The following TSNARE1 variants were observed in gnomAD, a reference collection of about 807,000 sequenced individuals.
TSNARE1 encodes t-SNARE domain containing 1, also known as t-SNARE domain-containing protein 1.
Under a neutral mutation model 62.0 loss-of-function variants are expected in TSNARE1, and 49 were observed. The ratio of observed to expected loss-of-function variants is 0.79; its 90% CI spans 0.63 to 1.00. The LOEUF (loss-of-function observed/expected upper bound fraction) is 1.00, where lower values mean the gene tolerates loss of function less well. TSNARE1 is among the 50% of genes least tolerant of loss of function. The probability of loss-of-function intolerance (pLI) is 0.00; values close to 1 mark genes in which losing one functional copy is unlikely to be tolerated. For missense variants in TSNARE1, 755 were observed against 700.1 expected, an observed-to-expected ratio of 1.08 and a Z score of -0.88; for synonymous variants, 328 against 294.4, an observed-to-expected ratio of 1.11 and a Z score of -1.17.
chr8:142,303,008 G>C (rs1010382872), intron 9 of TSNARE1, among the ~76,000 whole-genome samples: 2 of 152,138 alleles, frequency 1.3e-5, no homozygotes, highest in Non-Finnish European at 2.9e-5. Flanking sequence ...CTCACGTCCA[G>C]AGCTCTTGCC....
At chr8:142,397,629 G>A (rs1393089694) in intron 1 of TSNARE1, among the ~76,000 whole-genome samples, 1 of 152,188 alleles carries the variant, frequency 6.6e-6, no homozygotes, top group Non-Finnish European at 1.5e-5. Flanking sequence ...AACAACAGTT[G>A]ATCTGGCCAC....
In TSNARE1 at chr8:142,396,506, G is replaced by A. The variant is rs542813856; in HGVS notation, c.-40+6598C>T. On this transcript the variant is annotated intron_variant, in intron 1 of 13. Transcript: ENST00000524325. Reference sequence around the variant, plus strand: ...ACATCATCTCAAGATGGAAGGGAGGGACAGGATTAGGTCTTTATTAGTGCA... The same window carrying A: ...ACATCATCTCAAGATGGAAGGGAGGAACAGGATTAGGTCTTTATTAGTGCA... 2.4e-4 allele frequency among the ~76,000 whole-genome samples: 36 copies of A among 152,340 alleles called. No individual in the cohort carries two copies. The East Asian group carries it at 5.6e-3, about 24-fold the overall frequency.
chr8:142,376,393 G>A (rs553261747), intron 1 of TSNARE1, among the ~76,000 whole-genome samples: 5 of 152,340 alleles, frequency 3.3e-5, no homozygotes, highest in Admixed American at 3.3e-4. Context: ...GGCGTTAGCA[G>A]GTGAGGCATT....
chr8:142,377,923 C>T lies in TSNARE1; in HGVS notation c.-39-23160G>A, dbSNP rs139678267. ...CTCTAACCAGGGTCTATACACGTGT[C>T]TTTAGTGATGTGGGTAAGTGCTCAG... On this transcript the variant is annotated intron_variant, in intron 1 of 13. Transcript: ENST00000524325. 6.9e-3 allele frequency among the ~76,000 whole-genome samples: 1,049 copies of T among 152,372 alleles called. 11 individuals are homozygous for T. The highest frequency in any genetic ancestry group is 0.024 in the African/African-American group (988 of 41,590).
intron 1 of TSNARE1, among the ~76,000 whole-genome samples, chr8:142,380,370 C>T (rs1322266129): frequency 2.6e-5 from 4 of 152,154 alleles, no homozygotes; most frequent in African/African-American, 4.8e-5. Context: ...GCAGGGAGGA[C>T]GCAGCTGGGA....
At chr8:142,365,037 T>C (rs151052477) in intron 1 of TSNARE1, among the ~76,000 whole-genome samples, 2 of 152,338 alleles carry the variant, frequency 1.3e-5, no homozygotes, top group Admixed American at 1.3e-4. Flanking sequence ...TTCCCTGAGA[T>C]ACTTATAAAT....
At chr8:142,363,518 A>C (rs1057180924) in intron 1 of TSNARE1, among the ~76,000 whole-genome samples, 3 of 152,082 alleles carry the variant, frequency 2.0e-5, no homozygotes, top group African/African-American at 7.2e-5. Flanking sequence ...ACCAGCCCCC[A>C]CAGAGCCCCT....
rs1563781716 is a variant in TSNARE1 at position 142,255,950 on chromosome 8, TCACCATCAC to T, written c.1446+18822_1446+18830del. ...ATCACCATCACCATCACCACCATCA[TCACCATCAC>T]CACCACCATCACCATCACCACCACC... On this transcript the variant is annotated intron_variant, in intron 12 of 13. Coordinates refer to ENST00000524325, the MANE Select transcript of TSNARE1 (RefSeq NM_145003.5). 1.0e-3 allele frequency among the ~76,000 whole-genome samples: 24 copies of T among 23,570 alleles called. 5 individuals carry two copies. Among genetic ancestry groups the T allele is most frequent in the African/African-American group, 4.0e-3 (24 of 5,932 alleles). 15.5% of individuals were successfully genotyped at this position (23,570 alleles called of 152,430 possible).
intron 4 of TSNARE1, among the ~76,000 whole-genome samples, chr8:142,333,577 A>G (rs1452509546): frequency 3.9e-5 from 6 of 152,060 alleles, no homozygotes; most frequent in African/African-American, 1.4e-4. Context: ...CCCTGGCTGG[A>G]TATCTGGGTT....
intron 6 of TSNARE1, among the ~76,000 whole-genome samples, chr8:142,322,320 A>G (rs1829583082): frequency 6.6e-6 from 1 of 152,236 alleles, no homozygotes; most frequent in East Asian, 1.9e-4. Flanking sequence ...AACATCTAAG[A>G]TACTTAGAGC....
chr8:142,222,484 T>TCATC (rs1816374517), intron 13 of TSNARE1, among the ~76,000 whole-genome samples: 1 of 31,414 alleles, frequency 3.2e-5, no homozygotes. Context: ...ACTCACTCAC[T>TCATC]CACTCATCCA....
At chr8:142,219,630 C>T (rs372541954) in intron 13 of TSNARE1, among the ~76,000 whole-genome samples, 3 of 152,312 alleles carry the variant, frequency 2.0e-5, no homozygotes, top group Non-Finnish European at 4.4e-5. Flanking sequence ...CAGTTAAGCC[C>T]CAGGGCCCCC....
intron 12 of TSNARE1, chr8:142,271,477 A>C: frequency 7.8e-7 from 1 of 1,278,984 alleles, no homozygotes; most frequent in Admixed American, 4.1e-5. Flanking sequence ...AGGGCAAGGG[A>C]GGTGCTGGCG....
intron 1 of TSNARE1, among the ~76,000 whole-genome samples, chr8:142,363,851 T>C (rs1256979597): frequency 2.0e-5 from 3 of 152,032 alleles, no homozygotes; most frequent in Non-Finnish European, 4.4e-5. Flanking sequence ...GGATACCCAA[T>C]AGATGGTGCC....
At chr8:142,328,767 C>T (rs1184278236) in intron 6 of TSNARE1, among the ~76,000 whole-genome samples, 4 of 147,938 alleles carry the variant, frequency 2.7e-5, no homozygotes, top group South Asian at 2.2e-4. Flanking sequence ...CCCATGGGAT[C>T]GCAACGTGGC....
chr8:142,225,717 G>A (rs370129935), intron 13 of TSNARE1, among the ~76,000 whole-genome samples: 4 of 152,244 alleles, frequency 2.6e-5, no homozygotes, highest in East Asian at 1.9e-4. Context: ...CCCATGGCCC[G>A]TGATGAGGCC....
At chr8:142,402,602 G>C (rs943388433) in intron 1 of TSNARE1, among the ~76,000 whole-genome samples, 1 of 152,242 alleles carries the variant, frequency 6.6e-6, no homozygotes, top group Non-Finnish European at 1.5e-5. Flanking sequence ...ACTTGGAGAA[G>C]GGACAGAAAG....
chr8:142,352,213 C>T (rs1406844415), intron 2 of TSNARE1, among the ~76,000 whole-genome samples: 1 of 152,230 alleles, frequency 6.6e-6, no homozygotes, highest in African/African-American at 2.4e-5. Flanking sequence ...ACAAGGCAAA[C>T]CCAAGAGAAA....
At chr8:142,338,461 C>T (rs1832082294) in intron 4 of TSNARE1, among the ~76,000 whole-genome samples, 1 of 152,212 alleles carries the variant, frequency 6.6e-6, no homozygotes, top group Non-Finnish European at 1.5e-5. Flanking sequence ...CCAACACCCA[C>T]CACAAGCCTG....
Sources: gnomAD v4.1 joint callset for allele counts (sites outside exome capture counted in the v4.1 genomes callset) on GRCh38, gnomAD v4.1.1 for gene constraint, MANE v1.5 for transcripts, NCBI Gene and HGNC (gene_info 2026-07-23, HGNC 2026-07-21) for gene names.